PHLDB1: variants seen among roughly 807,000 people sequenced by gnomAD.
PHLDB1 encodes pleckstrin homology like domain family B member 1, also known as pleckstrin homology-like domain family B member 1.
In PHLDB1, 65 loss-of-function variants were observed where a neutral mutation model predicts 139.3. That is an observed-to-expected ratio of 0.47 (90% CI 0.38 to 0.57). The LOEUF (loss-of-function observed/expected upper bound fraction) is 0.57, where lower values mean the gene tolerates loss of function less well. Among genes scored for constraint, PHLDB1 ranks in the 20% least tolerant of loss-of-function variants. The pLI, the probability that PHLDB1 is intolerant of heterozygous loss-of-function variation, is 0.00. For missense variants in PHLDB1, 1,624 were observed against 1,839.7 expected (o/e 0.88, Z 2.14); for synonymous variants, 679 against 734.5 (o/e 0.92, Z 1.22).
intron 12 of PHLDB1, chr11:118,641,761 G>A (rs940994822): frequency 7.8e-6 from 10 of 1,289,502 alleles, no homozygotes; most frequent in Admixed American, 2.3e-5. Flanking sequence ...CTCCTCGTTC[G>A]CTTCCATCAC....
At chr11:118,625,221 G>T (rs1287591380) in intron 5 of PHLDB1, among the ~76,000 whole-genome samples, 162 bp downstream of exon 5, 1 of 152,170 alleles carries the variant, frequency 6.6e-6, no homozygotes, top group Non-Finnish European at 1.5e-5. Context: ...AGGCAGTGGG[G>T]CCACTGAGAG....
Position 118,628,626 on chromosome 11 carries a change from C to G in PHLDB1, c.1803C>G (p.Leu601=). ...EYHRRQRQER[L]REQEMERLER... ...ACCGGCGACAGCGCCAAGAGCGGCT[C>G]CGGGAGCAGGAGATGGAGAGGCTGG... The change falls in exon 6 of 23, where the codon CTC becomes CTG. Residue 601 remains leucine (L), a synonymous_variant. Coordinates refer to ENST00000600882, the MANE Select transcript of PHLDB1 (RefSeq NM_001144758.3). The G allele has an allele frequency of 6.2e-7, 1 of 1,609,374 alleles. No homozygotes were observed. The highest frequency in any genetic ancestry group is 8.5e-7 in the Non-Finnish European group (1 of 1,178,772).
rs1947321606 is a variant in PHLDB1, at chr11:118,645,416, C to T, written c.3182C>T (p.Ala1061Val). The change falls in exon 16 of 23, where the codon GCT (alanine) becomes GTT (valine). Residue 1061 changes from alanine (A) to valine (V), a missense_variant. Coordinates refer to ENST00000600882, the MANE Select transcript of PHLDB1 (RefSeq NM_001144758.3). This position sits in a 1 kb window ranked among gnomAD's most constrained non-coding sequence, Gnocchi z 5.1. ...GCTGAGCTGAAGCAGAAAGCGGCAG[C>T]TGAGGCACAGTGCCAGTGGGATGCC... Reference protein sequence around the residue: ...RLAELKQKAAAEAQCQWDALH... With the variant: ...RLAELKQKAAVEAQCQWDALH... 1 of 1,542,636 alleles carries T rather than the reference C, an allele frequency of 6.5e-7. No homozygotes were observed. Among genetic ancestry groups the T allele is most frequent in the African/African-American group, 1.4e-5 (1 of 72,570 alleles).
Position 118,650,217 on chromosome 11 carries a change from G to C in PHLDB1, c.3771+24G>C, listed in dbSNP as rs782676902. 3.0e-5 allele frequency: 46 copies of C among 1,558,210 alleles called. No individual in the cohort carries two copies. Among genetic ancestry groups the C allele is most frequent in the African/African-American group, 4.1e-5 (3 of 73,792 alleles). ...AGGTACAAGGCGTGTGTGGCCCTGGGGTGCTGGGGAGAGGGAGAATCCCGT... is the reference window on the plus strand; with the variant it reads ...AGGTACAAGGCGTGTGTGGCCCTGGCGTGCTGGGGAGAGGGAGAATCCCGT... On this transcript the variant is annotated intron_variant, in intron 19 of 22. Transcript: ENST00000600882. This position sits in a 1 kb window ranked among gnomAD's most constrained non-coding sequence, Gnocchi z 4.7.
intron 4 of PHLDB1, among the ~76,000 whole-genome samples, chr11:118,617,003 C>T (rs781923707): frequency 2.0e-5 from 3 of 152,194 alleles, no homozygotes; most frequent in Non-Finnish European, 4.4e-5. Flanking sequence ...TGAGATGGCA[C>T]CATTGCACTC....
intron 1 of PHLDB1, chr11:118,613,528 T>C (rs1230307061): frequency 7.6e-6 from 7 of 919,016 alleles, no homozygotes; most frequent in South Asian, 5.5e-5. Context: ...CTGAGTAGCA[T>C]AGGGCAAGAA....
chr11:118,608,238 G>A lies in PHLDB1; in HGVS notation c.-22+539G>A, dbSNP rs1939486370. ...AGAGTCTTGAGCGTCTAGGAGGGCT[G>A]CCTGGGGGTGTCCAGGAGATGGGAA... is the stretch of plus-strand genomic sequence containing the variant. On this transcript the variant is annotated intron_variant, in intron 1 of 22. Transcript: ENST00000600882. The surrounding 1 kb of genome is among the most constrained non-coding windows in gnomAD (Gnocchi z 6.7). 6.6e-6 allele frequency among the ~76,000 whole-genome samples: 1 copy of A among 152,138 alleles called. No individual in the cohort carries two copies. Among genetic ancestry groups the A allele is most frequent in the Non-Finnish European group, 1.5e-5 (1 of 67,980 alleles).
intron 17 of PHLDB1, chr11:118,646,561 G>A (rs1417674594): frequency 4.6e-5 from 7 of 152,304 alleles, no homozygotes; most frequent in African/African-American, 1.7e-4. Context: ...AGATGTCCAA[G>A]TCAGTGTAGA....
rs373883881 is a variant in PHLDB1 at position 118,645,468 on chromosome 11, G to A, written c.3234G>A (p.Ala1078=). The part of the protein sequence containing the change: ...DALHGAAPFP[A]GPSGFPPLMH... The stretch of plus-strand genomic sequence containing the variant: ...TTCACGGGGCAGCACCCTTCCCAGC[G>A]GGCCCCTCGGGCTTCCCCCCTCTCA... Residue 1078 remains alanine (A), a synonymous_variant, in exon 16 of 23, where the codon GCG becomes GCA. Coordinates refer to ENST00000600882, the MANE Select transcript of PHLDB1 (RefSeq NM_001144758.3). This position sits in a 1 kb window ranked among gnomAD's most constrained non-coding sequence, Gnocchi z 5.1. 28 of 1,609,968 alleles carry A rather than the reference G, an allele frequency of 1.7e-5. No individual in the cohort carries two copies. The highest frequency in any genetic ancestry group is 1.7e-4 in the Middle Eastern group (1 of 6,054).
In PHLDB1 at chr11:118,632,222, G is replaced by C. The variant is rs782367761; in HGVS notation, c.2305G>C (p.Glu769Gln). 6.2e-7 allele frequency: 1 copy of C among 1,614,130 alleles called. No individual in the cohort carries two copies. Among genetic ancestry groups the C allele is most frequent in the South Asian group, 1.1e-5 (1 of 91,080 alleles). ...REAERALLQK[E>Q]QKAVDQLQEK... is the part of the protein sequence containing the mutation. ...GGCAGAGCGGGCACTGCTGCAGAAG[G>C]AGCAGAAGGCAGTGGATCAGCTGCA... Residue 769 changes from glutamate (E) to glutamine (Q), a missense_variant, in exon 9 of 23, where the codon GAG becomes CAG. Coordinates refer to ENST00000600882, the MANE Select transcript of PHLDB1 (RefSeq NM_001144758.3). The surrounding 1 kb of genome is among the most constrained non-coding windows in gnomAD (Gnocchi z 5.9).
intron 3 of PHLDB1, 92 bp from the exon 4 acceptor site, chr11:118,615,949 T>G (rs1591468323): frequency 2.9e-6 from 3 of 1,032,284 alleles, no homozygotes; most frequent in Non-Finnish European, 4.4e-6. Flanking sequence ...GAGTAGGAGG[T>G]GGAAATATGT....
chr11:118,609,057 A>G (rs1220303194), intron 1 of PHLDB1, among the ~76,000 whole-genome samples: 1 of 147,080 alleles, frequency 6.8e-6, no homozygotes, highest in Non-Finnish European at 1.5e-5. Context: ...CCCAGCTCAC[A>G]CACGAAGCCC....
In PHLDB1 at chr11:118,610,683, C is replaced by A. The variant is rs1464201774; in HGVS notation, c.-22+2984C>A. Among the ~76,000 whole-genome samples, 2 of 152,230 alleles carry A rather than the reference C, an allele frequency of 1.3e-5. No homozygotes were observed. The highest frequency in any genetic ancestry group is 4.8e-5 in the African/African-American group (2 of 41,466). Reference sequence around the variant, plus strand: ...AGTGCCCGTTGGTGCTGGAGCCAGTCGGCCCTTCCTTGGCCTCCTTCAGGC... The same window carrying A: ...AGTGCCCGTTGGTGCTGGAGCCAGTAGGCCCTTCCTTGGCCTCCTTCAGGC... On this transcript the variant is annotated intron_variant, in intron 1 of 22. Coordinates refer to ENST00000600882, the MANE Select transcript of PHLDB1 (RefSeq NM_001144758.3). The surrounding 1 kb of genome is among the most constrained non-coding windows in gnomAD (Gnocchi z 8.7).
In PHLDB1 at chr11:118,645,318, G is replaced by A. The variant is rs182862670; in HGVS notation, c.3122-38G>A. ...CCAGTGGCCTGCTCCTTAGCTGCGT[G>A]GGGAGCCCACTGTGACTCCCATCTG... On this transcript the variant is annotated intron_variant, in intron 15 of 22. Transcript: ENST00000600882. This position sits in a 1 kb window ranked among gnomAD's most constrained non-coding sequence, Gnocchi z 5.1. 140 of 1,470,240 alleles carry A rather than the reference G, an allele frequency of 9.5e-5. No homozygotes were observed. Among genetic ancestry groups the A allele is most frequent in the Middle Eastern group, 4.0e-4 (2 of 4,972 alleles). The allele number at this position is 1,470,240 out of a possible 1,614,324, so 91.1% of individuals were successfully genotyped here. A position where few individuals can be genotyped will look rare whatever the true frequency, so the allele number is the denominator to read the frequency against.
At position 118,616,114 on chromosome 11, in the gene PHLDB1, C is replaced by T; in HGVS notation, c.258C>T (p.Tyr86=). ...QGPGLAPEHC[Y]IENLRGTLTL... ...CAGGCCTGGCTCCAGAGCACTGCTA[C>T]ATCGAGAACCTGCGGGGCACCCTCA... Residue 86 remains tyrosine, a synonymous_variant, in exon 4 of 23, where the codon TAC becomes TAT. Coordinates refer to ENST00000600882, the MANE Select transcript of PHLDB1 (RefSeq NM_001144758.3). 6.2e-7 allele frequency: 1 copy of T among 1,614,070 alleles called. No homozygotes were observed. The highest frequency in any genetic ancestry group is 8.5e-7 in the Non-Finnish European group (1 of 1,179,878).
At chr11:118,631,545 G>T (rs1591604429) in intron 7 of PHLDB1, 66 bp downstream of exon 7, 5 of 1,330,754 alleles carry the variant, frequency 3.8e-6, no homozygotes, top group Non-Finnish European at 3.9e-6. Flanking sequence ...GAGGAGGCTG[G>T]TGTATCCAAT....
At chr11:118,609,118 G>A (rs1157541035) in intron 1 of PHLDB1, among the ~76,000 whole-genome samples, 2 of 128,030 alleles carry the variant, frequency 1.6e-5, no homozygotes, top group African/African-American at 6.2e-5. Context: ...CAAGCAGCCC[G>A]TCACACACAC....
chr11:118,639,474 T>A, intron 12 of PHLDB1: 1 of 548,820 alleles, frequency 1.8e-6, no homozygotes, highest in Non-Finnish European at 3.3e-6. Flanking sequence ...CCTACAGATT[T>A]CACTGTTTTT....
At chr11:118,643,552 TA>T in intron 13 of PHLDB1, 1 of 985,396 alleles carries the variant, frequency 1.0e-6, no homozygotes, top group Non-Finnish European at 1.2e-6. Flanking sequence ...TGGGTCTGTT[TA>T]CAGGTCTTTT....
Sources: allele counts gnomAD v4.1 joint callset (sites outside exome capture counted in the v4.1 genomes callset), GRCh38; gene constraint gnomAD v4.1.1; non-coding constraint Gnocchi (gnomAD v3.1); transcripts MANE v1.5; gene names NCBI Gene and HGNC (gene_info 2026-07-23, HGNC 2026-07-21).